DENND2C: variants seen among roughly 807,000 people sequenced by gnomAD.
DENND2C encodes DENN domain-containing protein 2C.
Under a neutral mutation model 112.4 loss-of-function variants are expected in DENND2C, and 72 were observed. That is an observed-to-expected ratio of 0.64 (90% CI 0.53 to 0.78). The LOEUF is 0.78. Ranked by LOEUF, DENND2C falls within the 30% of genes least tolerant of loss-of-function variation. The pLI is 0.00. For synonymous variants in DENND2C, 329 were observed against 381.6 expected, an observed-to-expected ratio of 0.86 and a Z score of 1.61; for missense variants, 992 against 1,113.8, an observed-to-expected ratio of 0.89 and a Z score of 1.56.
rs762780201 is a variant in DENND2C at position 114,600,974 on chromosome 1, G to A, written c.1816-14C>T. 6.2e-7 allele frequency: 1 copy of A among 1,606,196 alleles called. No individual in the cohort carries two copies. The highest frequency in any genetic ancestry group is 8.5e-7 in the Non-Finnish European group (1 of 1,176,238). ...TTCATCCAGAATCTATATACGCAAA[G>A]TGTTATTTTATTATGGACTAAGTTA... On this transcript the variant is annotated splice_polypyrimidine_tract_variant and intron_variant, in intron 13 of 20. Transcript: ENST00000393274.
chr1:114,643,048 C>T (rs1369837044), intron 3 of DENND2C, among the ~76,000 whole-genome samples: 1 of 152,110 alleles, frequency 6.6e-6, no homozygotes, highest in African/African-American at 2.4e-5. Context: ...TTGCCATGAC[C>T]TCAAGACTCT....
chr1:114,628,880 T>C (rs747300752), intron 3 of DENND2C, among the ~76,000 whole-genome samples: 1 of 152,218 alleles, frequency 6.6e-6, no homozygotes, highest in Non-Finnish European at 1.5e-5. Context: ...TTAACCTCCA[T>C]TATTGGTAGA....
intron 3 of DENND2C, among the ~76,000 whole-genome samples, chr1:114,635,042 A>G (rs1356524619): frequency 2.6e-5 from 4 of 151,118 alleles, no homozygotes; most frequent in African/African-American, 2.4e-5. Context: ...AAAAAAAAAA[A>G]AAGAAAAAAA....
Position 114,625,917 on chromosome 1 carries a change from T to C in DENND2C, c.68A>G (p.Gln23Arg). 6.2e-7 allele frequency: 1 copy of C among 1,614,138 alleles called. No individual in the cohort carries two copies. The highest frequency in any genetic ancestry group is 8.5e-7 in the Non-Finnish European group (1 of 1,179,994). Reference protein sequence around the residue: ...LSRSHCKNIKQKISQWEGRAN... With the variant: ...LSRSHCKNIKRKISQWEGRAN... ...CCTTCCTTCCCATTGAGAAATTTTT[T>C]GTTTGATGTTTTTGCAGTGGCTTCT... The change falls in exon 4 of 21, where the codon CAA (glutamine) becomes CGA (arginine). Residue 23 changes from glutamine to arginine, a missense_variant. By Grantham distance (43) the Gln-to-Arg change is conservative. Transcript: ENST00000393274.
chr1:114,587,412 C>T lies in DENND2C; in HGVS notation c.2730G>A (p.Gly910=). 1 of 1,614,166 alleles carries T rather than the reference C, an allele frequency of 6.2e-7. No homozygotes were observed. Among genetic ancestry groups the T allele is most frequent in the Non-Finnish European group, 8.5e-7 (1 of 1,180,032 alleles). The change falls in exon 20 of 21, where the codon GGG becomes GGA. Residue 910 remains glycine, a synonymous_variant. Coordinates refer to ENST00000393274, the MANE Select transcript of DENND2C (RefSeq NM_001256404.2). ...LETIPESEPS[G]MNRILRSLGS... ...CAAGACTCCGCAAAATTCTATTCAT[C>T]CCACTGGGCTCCGACTCAGGAATTG...
intron 11 of DENND2C, among the ~76,000 whole-genome samples, chr1:114,603,191 AGTGCAGTGGC>A (rs1655564260): frequency 6.6e-6 from 1 of 151,534 alleles, no homozygotes; most frequent in Non-Finnish European, 1.5e-5. Flanking sequence ...CCCAGGCTGG[AGTGCAGTGGC>A]GCAATCTCTG....
intron 8 of DENND2C, among the ~76,000 whole-genome samples, chr1:114,615,931 C>T (rs1423833326): frequency 4.0e-5 from 6 of 151,880 alleles, no homozygotes; most frequent in African/African-American, 1.2e-4. Context: ...AAAAATTAGC[C>T]GGGTGTGGTG....
At chr1:114,646,799 T>TC (rs1657000749) in intron 2 of DENND2C, among the ~76,000 whole-genome samples, 1 of 152,146 alleles carries the variant, frequency 6.6e-6, no homozygotes, top group Non-Finnish European at 1.5e-5. Context: ...AGATCATGAG[T>TC]CCATAATAAG....
chr1:114,658,681 T>C (rs552677197), intron 1 of DENND2C, among the ~76,000 whole-genome samples: 71 of 151,292 alleles, frequency 4.7e-4, no homozygotes, highest in Non-Finnish European at 7.8e-4. Context: ...AAAGATATAA[T>C]AAATACATGG....
intron 7 of DENND2C, among the ~76,000 whole-genome samples, chr1:114,621,321 T>C (rs1051811182): frequency 6.6e-6 from 1 of 152,214 alleles, no homozygotes; most frequent in African/African-American, 2.4e-5. Context: ...CTCAATTTCT[T>C]CATTTTGGTT....
At chr1:114,600,417 T>C in intron 14 of DENND2C, 65 bp from the exon 15 acceptor site, 2 of 1,581,084 alleles carry the variant, frequency 1.3e-6, no homozygotes, top group Non-Finnish European at 1.7e-6. Context: ...GCCAACGCTA[T>C]GGATCCTGTT....
intron 10 of DENND2C, among the ~76,000 whole-genome samples, chr1:114,607,481 G>A (rs1655692241): frequency 6.6e-6 from 1 of 152,168 alleles, no homozygotes; most frequent in African/African-American, 2.4e-5. Context: ...AGATTTGTAT[G>A]TGAAATTTGA....
intron 7 of DENND2C, 107 bp from the exon 8 acceptor site, chr1:114,618,589 A>C (rs904302983): frequency 5.3e-6 from 3 of 569,852 alleles, no homozygotes; most frequent in Non-Finnish European, 8.6e-6. Flanking sequence ...GACCTATTTT[A>C]TAAATAGAAA....
At chr1:114,627,150 C>A (rs1388642024) in intron 3 of DENND2C, among the ~76,000 whole-genome samples, 1 of 152,214 alleles carries the variant, frequency 6.6e-6, no homozygotes. Flanking sequence ...TGACCCAAAT[C>A]AATACAAATA....
At chr1:114,628,514 C>T (rs917746944) in intron 3 of DENND2C, among the ~76,000 whole-genome samples, 2 of 152,000 alleles carry the variant, frequency 1.3e-5, no homozygotes, top group Admixed American at 6.6e-5. Context: ...TGATAGCTTT[C>T]GAAAAATGAA....
At chr1:114,647,049 A>G (rs1657009674) in intron 2 of DENND2C, among the ~76,000 whole-genome samples, 1 of 151,982 alleles carries the variant, frequency 6.6e-6, no homozygotes, top group African/African-American at 2.4e-5. Context: ...AATCCCAGCT[A>G]CTCAGGGGGC....
intron 3 of DENND2C, among the ~76,000 whole-genome samples, chr1:114,627,066 T>A (rs1052200632): frequency 1.3e-5 from 2 of 152,192 alleles, no homozygotes; most frequent in African/African-American, 4.8e-5. Context: ...AAGGTGCCCA[T>A]GAACTATCAG....
intron 8 of DENND2C, among the ~76,000 whole-genome samples, chr1:114,616,135 A>C (rs1232479662): frequency 6.6e-6 from 1 of 152,048 alleles, no homozygotes; most frequent in Non-Finnish European, 1.5e-5. Context: ...CATGCCTGTA[A>C]TCCTAGCACT....
At chr1:114,616,568 C>T (rs140228770) in intron 8 of DENND2C, among the ~76,000 whole-genome samples, 2 of 151,656 alleles carry the variant, frequency 1.3e-5, no homozygotes, top group Admixed American at 6.6e-5. Flanking sequence ...TAAAGACATA[C>T]CCAAGGCTGG....
Sources: allele counts gnomAD v4.1 joint callset (sites outside exome capture counted in the v4.1 genomes callset), GRCh38; gene constraint gnomAD v4.1.1; transcripts MANE v1.5; gene names NCBI Gene and HGNC (gene_info 2026-07-23, HGNC 2026-07-21).